The following BCR variants were observed in gnomAD, a reference collection of about 807,000 sequenced individuals.
BCR encodes breakpoint cluster region protein.
BCR carries 58 observed loss-of-function variants against 138.6 expected under a neutral mutation model. The observed-to-expected ratio is 0.42, with a 90% confidence interval of 0.34 to 0.52. The LOEUF (loss-of-function observed/expected upper bound fraction) is 0.52, where lower values mean the gene tolerates loss of function less well. Among genes scored for constraint, BCR ranks in the 20% least tolerant of loss-of-function variants. The pLI is 0.06. For synonymous variants in BCR, 786 were observed against 730.1 expected, an observed-to-expected ratio of 1.08 and a Z score of -1.23; for missense variants, 1,599 against 1,727.2, an observed-to-expected ratio of 0.93 and a Z score of 1.32.
chr22:23,301,299 A>G (rs946055881), intron 16 of BCR, among the ~76,000 whole-genome samples: 3 of 152,192 alleles, frequency 2.0e-5, no homozygotes, highest in Admixed American at 6.5e-5. Flanking sequence ...GAGCGAGACT[A>G]TCTCAAAAAA....
At chr22:23,277,386 C>T (rs56035513) in intron 8 of BCR, among the ~76,000 whole-genome samples, 5,439 of 152,260 alleles carry the variant, frequency 0.036, 148 homozygotes, top group African/African-American at 0.063. Flanking sequence ...GGGTGTGTTA[C>T]TCTTTGGTTC....
chr22:23,308,839 G>C (rs921671878), intron 16 of BCR, among the ~76,000 whole-genome samples: 2 of 152,180 alleles, frequency 1.3e-5, no homozygotes, highest in Admixed American at 6.5e-5. Flanking sequence ...ATAGTGCCGG[G>C]TGGGGGTAGA....
At chr22:23,267,992 A>G (rs1370604037) in intron 4 of BCR, among the ~76,000 whole-genome samples, 2 of 151,844 alleles carry the variant, frequency 1.3e-5, no homozygotes, top group Non-Finnish European at 2.9e-5. Context: ...GTGGAACACC[A>G]TGGGTGGGAA....
chr22:23,289,345 G>A (rs981333428), intron 12 of BCR, among the ~76,000 whole-genome samples, 172 bp from the exon 13 acceptor site: 4 of 152,192 alleles, frequency 2.6e-5, no homozygotes, highest in African/African-American at 4.8e-5. Flanking sequence ...TCACTCTGCC[G>A]CCAGACCAGC....
chr22:23,261,747 C>G (rs932700236), intron 4 of BCR: 2 of 313,668 alleles, frequency 6.4e-6, no homozygotes, highest in Admixed American at 5.9e-5. Context: ...TTTTTTTTTT[C>G]TAATTTATAT....
chr22:23,196,515 C>T (rs2072484327), intron 1 of BCR, among the ~76,000 whole-genome samples: 1 of 152,090 alleles, frequency 6.6e-6, no homozygotes, highest in South Asian at 2.1e-4. Flanking sequence ...TCAGTATAGT[C>T]GTCTCTCGAT....
chr22:23,313,819 G>T, intron 20 of BCR, 149 bp from the exon 21 acceptor site: 4 of 791,378 alleles, frequency 5.1e-6, no homozygotes, highest in South Asian at 2.7e-5. Context: ...CCCTCACAGG[G>T]TCCTCAATGG....
chr22:23,263,504 T>C, intron 4 of BCR: 1 of 1,571,986 alleles, frequency 6.4e-7, no homozygotes, highest in Non-Finnish European at 8.8e-7. Flanking sequence ...TAGAGGATGA[T>C]GCTTTGTACA....
intron 4 of BCR, chr22:23,265,051 A>G (rs1196771460): frequency 6.6e-6 from 1 of 152,198 alleles, no homozygotes; most frequent in Non-Finnish European, 1.5e-5. Context: ...GAAATGGAGA[A>G]TCGTGTTGTT....
At chr22:23,185,975 C>T (rs1434936121) in intron 1 of BCR, among the ~76,000 whole-genome samples, 3 of 150,498 alleles carry the variant, frequency 2.0e-5, no homozygotes, top group Non-Finnish European at 4.4e-5. Context: ...GGGTTCCGCC[C>T]GCCTCAGCCT....
chr22:23,252,629 C>T (rs545845034), intron 1 of BCR, among the ~76,000 whole-genome samples: 1 of 148,884 alleles, frequency 6.7e-6, no homozygotes, highest in Non-Finnish European at 1.5e-5. Flanking sequence ...ATGGGGTTCA[C>T]CATATTGGCC....
At chr22:23,286,603 G>A (rs184687358) in intron 10 of BCR, among the ~76,000 whole-genome samples, 1 of 152,302 alleles carries the variant, frequency 6.6e-6, no homozygotes, top group Admixed American at 6.5e-5. Context: ...GATGGGGTGG[G>A]GCCCTACCTG....
At chr22:23,302,612 T>C (rs987522057) in intron 16 of BCR, 2 of 152,172 alleles carry the variant, frequency 1.3e-5, no homozygotes, top group Non-Finnish European at 2.9e-5. Context: ...GGCTCCGGAG[T>C]CATGCACATC....
chr22:23,234,067 G>A (rs1011897853), intron 1 of BCR, among the ~76,000 whole-genome samples: 8 of 152,160 alleles, frequency 5.3e-5, no homozygotes, highest in African/African-American at 1.9e-4. Context: ...GTCATTAATG[G>A]CGTGTGCATG....
chr22:23,299,938 C>T (rs1468416779), intron 16 of BCR, among the ~76,000 whole-genome samples: 2 of 152,096 alleles, frequency 1.3e-5, no homozygotes, highest in East Asian at 1.9e-4. Flanking sequence ...TGGACTCCCA[C>T]GTGCATCCCT....
At chr22:23,217,469 A>G (rs1239775217) in intron 1 of BCR, among the ~76,000 whole-genome samples, 2 of 152,192 alleles carry the variant, frequency 1.3e-5, no homozygotes, top group Admixed American at 6.5e-5. Flanking sequence ...TGGGTTCAAC[A>G]TGAATTGACC....
intron 1 of BCR, among the ~76,000 whole-genome samples, chr22:23,223,087 A>C (rs79528290): frequency 0.03 from 4,630 of 152,190 alleles, 257 homozygotes; most frequent in African/African-American, 0.11. Context: ...TGAGGGTTCC[A>C]CCCTTACGAC....
intron 5 of BCR, 128 bp downstream of exon 5, chr22:23,268,643 G>C: frequency 1.1e-6 from 1 of 870,336 alleles, no homozygotes; most frequent in South Asian, 1.5e-5. Flanking sequence ...AGATTCTGTT[G>C]GGTTCGTTGC....
intron 16 of BCR, among the ~76,000 whole-genome samples, chr22:23,308,787 C>T (rs530733626): frequency 5.3e-5 from 8 of 152,236 alleles, no homozygotes; most frequent in Admixed American, 2.6e-4. Flanking sequence ...AGACTGTGTT[C>T]GGGTGACATT....
Sources: gnomAD v4.1 joint callset for allele counts (sites outside exome capture counted in the v4.1 genomes callset) on GRCh38, gnomAD v4.1.1 for gene constraint, MANE v1.5 for transcripts, NCBI Gene and HGNC (gene_info 2026-07-23, HGNC 2026-07-21) for gene names.